Variants in FBXL17 observed in about 807,000 individuals in gnomAD.
The protein encoded by FBXL17 is F-box and leucine rich repeat protein 17.
Under a neutral mutation model 66.2 loss-of-function variants are expected in FBXL17, and 22 were observed. That is an observed-to-expected ratio of 0.33 (90% confidence interval 0.24 to 0.47). The LOEUF (loss-of-function observed/expected upper bound fraction) is 0.47, where lower values mean the gene tolerates loss of function less well. Ranked by LOEUF, FBXL17 falls within the 20% of genes least tolerant of loss-of-function variation. The pLI, the probability that FBXL17 is intolerant of heterozygous loss-of-function variation, is 1.00. For missense variants in FBXL17, 878 were observed against 948.2 expected, an observed-to-expected ratio of 0.93 and a Z score of 0.97; for synonymous variants, 474 against 400.5, an observed-to-expected ratio of 1.18 and a Z score of -2.19.
chr5:107,937,514 G>T (rs997349724), intron 7 of FBXL17, among the ~76,000 whole-genome samples: 1 of 152,152 alleles, frequency 6.6e-6, no homozygotes, highest in Admixed American at 6.6e-5. Flanking sequence ...GGATCTTACT[G>T]CAGAGTAAAT....
chr5:107,861,855 G>A lies in FBXL17; in HGVS notation c.1971C>T (p.Asn657=), dbSNP rs895971089. ...GCACCAGCTGTTCCACCGTCACTTC[G>A]TTGACCTGCAAACAAAGAAGAGTCA... ...YLGLMRCDKV[N]EVTVEQLVQQ... Residue 657 remains asparagine (N), a synonymous_variant, in exon 9 of 9, where the codon AAC becomes AAT. Coordinates refer to ENST00000542267, the MANE Select transcript of FBXL17 (RefSeq NM_001163315.3). 8 of 1,523,610 alleles carry A rather than the reference G, an allele frequency of 5.3e-6. No homozygotes were observed. The African/African-American group carries it at 5.6e-5, about 11-fold the overall frequency. 94.4% of individuals were successfully genotyped at this position (1,523,610 alleles called of 1,614,324 possible).
intron 6 of FBXL17, among the ~76,000 whole-genome samples, chr5:108,051,426 G>A (rs556343552): frequency 6.6e-6 from 1 of 152,208 alleles, no homozygotes; most frequent in South Asian, 2.1e-4. Flanking sequence ...ATGCAAGGCT[G>A]GTTCAACATA....
At chr5:108,057,837 C>T (rs1438605085) in intron 6 of FBXL17, among the ~76,000 whole-genome samples, 3 of 152,166 alleles carry the variant, frequency 2.0e-5, no homozygotes, top group East Asian at 1.9e-4. Context: ...TTTACCACTA[C>T]TAAGAATAAG....
At chr5:108,056,863 T>G (rs963991645) in intron 6 of FBXL17, among the ~76,000 whole-genome samples, 5 of 152,230 alleles carry the variant, frequency 3.3e-5, no homozygotes, top group Non-Finnish European at 7.3e-5. Context: ...CATACACACT[T>G]AACTCCTACA....
At chr5:108,303,354 A>T (rs1232227794) in intron 4 of FBXL17, among the ~76,000 whole-genome samples, 1 of 134,090 alleles carries the variant, frequency 7.5e-6, no homozygotes, top group East Asian at 2.3e-4. Flanking sequence ...CAAAACACAC[A>T]GGCATAAACA....
chr5:108,045,313 G>A (rs568398522), intron 6 of FBXL17, among the ~76,000 whole-genome samples: 4 of 152,064 alleles, frequency 2.6e-5, no homozygotes, highest in South Asian at 4.2e-4. Flanking sequence ...ATGGTGGTGC[G>A]CACCTGTAAT....
intron 5 of FBXL17, among the ~76,000 whole-genome samples, chr5:108,193,439 G>C (rs759497308): frequency 2.0e-5 from 3 of 152,136 alleles, no homozygotes; most frequent in South Asian, 4.1e-4. Flanking sequence ...AACTAAGACT[G>C]CTGGGAATGA....
intron 6 of FBXL17, among the ~76,000 whole-genome samples, chr5:108,104,942 C>T (rs158188): frequency 0.65 from 99,137 of 151,754 alleles, 33,350 homozygotes; most frequent in East Asian, 0.92. Context: ...CCCGGGTTCA[C>T]GCCATTCTCC....
chr5:108,368,256 A>G (rs1748801834), intron 1 of FBXL17, among the ~76,000 whole-genome samples: 1 of 152,008 alleles, frequency 6.6e-6, no homozygotes, highest in Non-Finnish European at 1.5e-5. Flanking sequence ...TGAAAGCATT[A>G]ACCAAAAACT....
chr5:108,086,714 C>T (rs984833258), intron 6 of FBXL17, among the ~76,000 whole-genome samples: 3 of 152,094 alleles, frequency 2.0e-5, no homozygotes, highest in Non-Finnish European at 2.9e-5. Context: ...GCATATGCCA[C>T]CACACCCAGC....
intron 6 of FBXL17, among the ~76,000 whole-genome samples, chr5:108,133,451 G>A (rs1336424780): frequency 6.6e-6 from 1 of 152,212 alleles, no homozygotes; most frequent in East Asian, 1.9e-4. Context: ...AATTATGAGA[G>A]AAATCTTAAG....
At chr5:108,115,486 A>G (rs780341774) in intron 6 of FBXL17, among the ~76,000 whole-genome samples, 31 of 152,052 alleles carry the variant, frequency 2.0e-4, no homozygotes, top group Non-Finnish European at 4.4e-4. Context: ...GGCTCAATTC[A>G]TTACAAAATT....
intron 6 of FBXL17, among the ~76,000 whole-genome samples, chr5:108,166,742 C>T (rs1752430900): frequency 6.6e-6 from 1 of 152,136 alleles, no homozygotes; most frequent in South Asian, 2.1e-4. Context: ...TCCTTTGATT[C>T]TTGGAATACA....
chr5:108,319,619 T>C (rs1759525846), intron 4 of FBXL17, among the ~76,000 whole-genome samples: 1 of 151,784 alleles, frequency 6.6e-6, no homozygotes, highest in Non-Finnish European at 1.5e-5. Context: ...AATAATTATA[T>C]GTAACCCTAG....
chr5:107,984,015 A>G (rs1396653821), intron 7 of FBXL17, among the ~76,000 whole-genome samples: 2 of 152,186 alleles, frequency 1.3e-5, no homozygotes, highest in Non-Finnish European at 2.9e-5. Flanking sequence ...CTCCTCAAAC[A>G]TAAGTGATTT....
intron 5 of FBXL17, among the ~76,000 whole-genome samples, chr5:108,216,135 C>T (rs1754589828): frequency 6.6e-6 from 1 of 152,100 alleles, no homozygotes; most frequent in African/African-American, 2.4e-5. Context: ...TATGAGTCCT[C>T]CAACACTGTT....
intron 7 of FBXL17, among the ~76,000 whole-genome samples, chr5:107,924,784 T>C (rs1177041095): frequency 3.3e-5 from 5 of 152,298 alleles, no homozygotes; most frequent in Middle Eastern, 3.4e-3. Flanking sequence ...AAACCATCCA[T>C]CACGAAATTC....
chr5:108,376,237 A>C (rs1433598076), intron 1 of FBXL17, among the ~76,000 whole-genome samples: 4 of 152,206 alleles, frequency 2.6e-5, no homozygotes, highest in African/African-American at 9.6e-5. Flanking sequence ...TTTCTGCATC[A>C]TGACTTCTAT....
At chr5:108,278,208 C>A (rs1157715913) in intron 4 of FBXL17, among the ~76,000 whole-genome samples, 1 of 152,116 alleles carries the variant, frequency 6.6e-6, no homozygotes, top group Admixed American at 6.5e-5. Flanking sequence ...ACCCTCCAAC[C>A]CCCAAATCTA....
Sources: gnomAD v4.1 joint callset for allele counts (sites outside exome capture counted in the v4.1 genomes callset) on GRCh38, gnomAD v4.1.1 for gene constraint, MANE v1.5 for transcripts, NCBI Gene and HGNC (gene_info 2026-07-23, HGNC 2026-07-21) for gene names.